NOS1: variants seen among roughly 807,000 people sequenced by gnomAD.
NOS1 encodes the protein NOS type I.
A neutral mutation model predicts 164.5 loss-of-function variants in NOS1; 51 were observed. The ratio of observed to expected loss-of-function variants is 0.31; its 90% confidence interval spans 0.25 to 0.39. The LOEUF (loss-of-function observed/expected upper bound fraction) is 0.39. NOS1 is among the 10% of genes least tolerant of loss of function. The pLI is 1.00. For missense variants in NOS1, 1,362 were observed against 1,885.6 expected, an observed-to-expected ratio of 0.72 and a Z score of 5.14; for synonymous variants, 719 against 745.8, an observed-to-expected ratio of 0.96 and a Z score of 0.59.
intron 1 of NOS1, among the ~76,000 whole-genome samples, chr12:117,334,000 G>A (rs1055522170): frequency 4.6e-5 from 7 of 152,218 alleles, no homozygotes; most frequent in African/African-American, 1.4e-4. Context: ...ACTGAAAGGC[G>A]ACCTCTTGGG....
In NOS1 at chr12:117,213,103, C is replaced by A; in HGVS notation, c.*2206G>T. The A allele has an allele frequency of 2.0e-6, 2 of 985,454 alleles. No homozygotes were observed. Among genetic ancestry groups the A allele is most frequent in the Non-Finnish European group, 2.4e-6 (2 of 829,946 alleles). 61.0% of individuals were successfully genotyped at this position (985,454 alleles called of 1,614,324 possible). ...GCACATGCAGAAAGGAGGTGCCTGG[C>A]ACCTTGTAAGCGCTTCTAAGTATTT... On this transcript the variant is annotated 3_prime_UTR_variant, in exon 29 of 29. Coordinates refer to ENST00000317775, the MANE Select transcript of NOS1 (RefSeq NM_000620.5).
At chr12:117,222,083 G>A (rs1175346995) in intron 26 of NOS1, among the ~76,000 whole-genome samples, 1 of 152,044 alleles carries the variant, frequency 6.6e-6, no homozygotes, top group Admixed American at 6.6e-5. Flanking sequence ...TCTGGTTCCA[G>A]AACTTTTTTC....
Position 117,330,625 on chromosome 12 carries a change from C to A in NOS1, c.445G>T (p.Val149Leu), listed in dbSNP as rs1448611783. ...TTCCCGGGACCCGAGGCCCCATCCA[C>A]TGCCAGGGGCTGTTCTTTGCCGGCC... ...PPAGKEQPLA[V>L]DGASGPGNGP... is the part of the protein sequence containing the mutation. The change falls in exon 2 of 29, where the codon GTG becomes TTG. Residue 149 changes from valine to leucine, a missense_variant. Coordinates refer to ENST00000317775, the MANE Select transcript of NOS1 (RefSeq NM_000620.5). This position sits in a 1 kb window ranked among gnomAD's most constrained non-coding sequence, Gnocchi z 4.6. The A allele has an allele frequency of 6.2e-7, 1 of 1,611,084 alleles. No individual in the cohort carries two copies. The highest frequency in any genetic ancestry group is 8.5e-7 in the Non-Finnish European group (1 of 1,177,884).
Position 117,280,853 on chromosome 12 carries a change from T to C in NOS1, c.1396A>G (p.Ile466Val). ...NKGNLRSAIT[I>V]FPQRTDGKHD... ...TTGCCGTCTGTCCTCTGGGGGAATA[T>C]GGTGATGGCAGACCTGTGGTGGAGA... Residue 466 changes from isoleucine (I) to valine (V), a missense_variant, in exon 8 of 29, where the codon ATA (isoleucine) becomes GTA (valine). By Grantham distance (29) the Ile-to-Val change is conservative (BLOSUM62 3). Around this residue, in one of 4 missense-constraint regions of NOS1, gnomAD observed 134 missense variants for 267.3 expected, o/e 0.50. Transcript: ENST00000317775. 2 of 1,614,032 alleles carry C rather than the reference T, an allele frequency of 1.2e-6. No homozygotes were observed. The highest frequency in any genetic ancestry group is 2.2e-5 in the East Asian group (1 of 44,852).
chr12:117,359,465 A>G (rs1877014966), intron 1 of NOS1, among the ~76,000 whole-genome samples: 1 of 152,210 alleles, frequency 6.6e-6, no homozygotes, highest in Non-Finnish European at 1.5e-5. Context: ...TTAGAGAAGC[A>G]CTAAAGAAAG....
intron 5 of NOS1, among the ~76,000 whole-genome samples, chr12:117,287,055 A>G (rs1214999773): frequency 6.6e-6 from 1 of 152,122 alleles, no homozygotes; most frequent in Non-Finnish European, 1.5e-5. Context: ...TCTCTACAAA[A>G]AATACAAAAA....
chr12:117,275,239 T>G (rs945553149), intron 9 of NOS1, among the ~76,000 whole-genome samples: 3 of 151,654 alleles, frequency 2.0e-5, no homozygotes, highest in Non-Finnish European at 2.9e-5. Context: ...TGGATCAAGT[T>G]CAAAAGAAAT....
At chr12:117,279,539 G>T (rs1873461975) in intron 8 of NOS1, among the ~76,000 whole-genome samples, 1 of 152,216 alleles carries the variant, frequency 6.6e-6, no homozygotes, top group Non-Finnish European at 1.5e-5. Context: ...ATTAGACAGG[G>T]CAGGGTTAGA....
intron 16 of NOS1, chr12:117,256,075 A>G: frequency 8.4e-7 from 1 of 1,184,244 alleles, no homozygotes; most frequent in South Asian, 2.5e-5. Context: ...TCTCTCCCTG[A>G]AGGAGGGGTG....
chr12:117,291,529 C>CTTTTTTTTTTTTT (rs565345654), intron 3 of NOS1, among the ~76,000 whole-genome samples: 29 of 97,382 alleles, frequency 3.0e-4, no homozygotes, highest in East Asian at 3.5e-4. Context: ...TTACATCTGT[C>CTTTTTTTTTTTTT]TTTTTTTTTT....
At chr12:117,298,317 G>T (rs994835263) in intron 3 of NOS1, among the ~76,000 whole-genome samples, 1 of 152,020 alleles carries the variant, frequency 6.6e-6, no homozygotes, top group Non-Finnish European at 1.5e-5. Context: ...GATCTGACAG[G>T]GGGCAGAGCC....
Position 117,356,497 on chromosome 12 carries a change from C to G in NOS1, c.-421+5015G>C, listed in dbSNP as rs1295220938. Among the ~76,000 whole-genome samples the G allele has an allele frequency of 6.6e-6, 1 of 152,224 alleles. No homozygotes were observed. The highest frequency in any genetic ancestry group is 1.5e-5 in the Non-Finnish European group (1 of 68,046). Reference sequence around the variant, plus strand: ...TCTTGCAGAAACTTCACGCCAGGTACAGGGTTTGTCTGGTGCTCACCGCTT... The same window carrying G: ...TCTTGCAGAAACTTCACGCCAGGTAGAGGGTTTGTCTGGTGCTCACCGCTT... On this transcript the variant is annotated intron_variant, in intron 1 of 28. Transcript: ENST00000317775. The surrounding 1 kb of genome is among the most constrained non-coding windows in gnomAD (Gnocchi z 4.2).
chr12:117,213,691 T>G lies in NOS1; in HGVS notation c.*1618A>C. 2.0e-6 allele frequency: 2 copies of G among 985,338 alleles called. No homozygotes were observed. Among genetic ancestry groups the G allele is most frequent in the Non-Finnish European group, 2.4e-6 (2 of 829,920 alleles). 61.0% of individuals were successfully genotyped at this position (985,338 alleles called of 1,614,324 possible). On this transcript the variant is annotated 3_prime_UTR_variant, in exon 29 of 29. Transcript: ENST00000317775. ...GCCCACGTACAGTATATAAAAGAAATGTGGTTTTTCTGTATAGCAAGACAC... is the reference window on the plus strand; with the variant it reads ...GCCCACGTACAGTATATAAAAGAAAGGTGGTTTTTCTGTATAGCAAGACAC...
In NOS1 at chr12:117,356,630, A is replaced by G. The variant is rs538384226; in HGVS notation, c.-421+4882T>C. On this transcript the variant is annotated intron_variant, in intron 1 of 28. Transcript: ENST00000317775. This position sits in a 1 kb window ranked among gnomAD's most constrained non-coding sequence, Gnocchi z 4.2. ...CCATTTAACACGTGTCATGACACAT[A>G]CAATAAATGTGCTGACGTCTGCTGC... Among the ~76,000 whole-genome samples, 1 of 152,232 alleles carries G rather than the reference A, an allele frequency of 6.6e-6. No homozygotes were observed. Among genetic ancestry groups the G allele is most frequent in the African/African-American group, 2.4e-5 (1 of 41,456 alleles).
In NOS1 at chr12:117,302,463, G is replaced by A. The variant is rs538425547; in HGVS notation, c.852+9003C>T. On this transcript the variant is annotated intron_variant, in intron 3 of 28. Coordinates refer to ENST00000317775, the MANE Select transcript of NOS1 (RefSeq NM_000620.5). The stretch of plus-strand genomic sequence containing the variant: ...CAAAAAATTAGCCGGGTGAGGTGGC[G>A]GGCGCCTGTAGTCCCAGCTACGCGG... Among the ~76,000 whole-genome samples, 1,361 of 151,988 alleles carry A rather than the reference G, an allele frequency of 9.0e-3. 12 individuals are homozygous for A. Among genetic ancestry groups the A allele is most frequent in the Non-Finnish European group, 0.015 (1,015 of 67,980 alleles).
intron 18 of NOS1, chr12:117,246,253 G>C (rs1870607241): frequency 6.5e-6 from 1 of 153,668 alleles, no homozygotes; most frequent in Non-Finnish European, 1.5e-5. Context: ...ACTCTATTCT[G>C]TCTGAAGGAA....
chr12:117,223,567 T>G (rs1868388375), intron 25 of NOS1, among the ~76,000 whole-genome samples: 1 of 151,000 alleles, frequency 6.6e-6, no homozygotes, highest in Non-Finnish European at 1.5e-5. Flanking sequence ...GCCTTTTTAT[T>G]TATTTATTTT....
At chr12:117,313,789 G>T (rs946163902) in intron 2 of NOS1, among the ~76,000 whole-genome samples, 1 of 152,106 alleles carries the variant, frequency 6.6e-6, no homozygotes, top group African/African-American at 2.4e-5. Context: ...TCTGAATACT[G>T]CCCTCCTACT....
At chr12:117,354,450 G>A (rs1402231765) in intron 1 of NOS1, among the ~76,000 whole-genome samples, 1 of 150,718 alleles carries the variant, frequency 6.6e-6, no homozygotes, top group African/African-American at 2.5e-5. Flanking sequence ...TTCATTACCT[G>A]TTTTCTGGCA....
Sources: allele counts gnomAD v4.1 joint callset (sites outside exome capture counted in the v4.1 genomes callset), GRCh38; gene constraint gnomAD v4.1.1; regional missense constraint gnomAD v4.1.1; non-coding constraint Gnocchi (gnomAD v3.1); transcripts MANE v1.5; gene names NCBI Gene and HGNC (gene_info 2026-07-23, HGNC 2026-07-21).